The following PDS5A variants were observed in gnomAD, a reference collection of about 807,000 sequenced individuals.
PDS5A encodes sister chromatid cohesion protein PDS5 homolog A.
Under a neutral mutation model 167.1 loss-of-function variants are expected in PDS5A, and 42 were observed. The observed-to-expected ratio is 0.25, with a 90% CI of 0.20 to 0.33. The LOEUF is 0.33. Ranked by LOEUF, PDS5A falls within the 10% of genes least tolerant of loss-of-function variation. The pLI, the probability that PDS5A is intolerant of heterozygous loss-of-function variation, is 1.00. For synonymous variants in PDS5A, 553 were observed against 554.6 expected, an observed-to-expected ratio of 1.00 and a Z score of 0.04; for missense variants, 1,033 against 1,605.9, an observed-to-expected ratio of 0.64 and a Z score of 6.10.
At chr4:39,908,790 G>GAGGCA (rs1560473930) in intron 10 of PDS5A, 1 of 389,946 alleles carries the variant, frequency 2.6e-6, no homozygotes, top group Non-Finnish European at 4.6e-6. Flanking sequence ...TTGGGAGGCT[G>GAGGCA]AGGCAGGCAG....
chr4:39,874,358 T>C lies in PDS5A; in HGVS notation c.2208A>G (p.Ala736=). 2 of 1,612,870 alleles carry C rather than the reference T, an allele frequency of 1.2e-6. No individual in the cohort carries two copies. The highest frequency in any genetic ancestry group is 2.2e-5 in the South Asian group (2 of 91,052). The change falls in exon 20 of 33, where the codon GCA becomes GCG. Residue 736 remains alanine, a synonymous_variant. Coordinates refer to ENST00000303538, the MANE Select transcript of PDS5A (RefSeq NM_001100399.2). ...QKAKRGTPHQ[A]KQAVHCIHAI... is the part of the protein sequence containing the mutation. ...CGTGTATACAGTGCACAGCCTGTTT[T>C]GCTTGGTGTGGAGTACCCCTCTTTG...
chr4:39,913,271 G>C (rs1293661884), intron 9 of PDS5A, among the ~76,000 whole-genome samples: 1 of 151,826 alleles, frequency 6.6e-6, no homozygotes. Flanking sequence ...TTTTAGTAGA[G>C]ACACCATGTT....
chr4:39,898,714 G>C (rs1280304242), intron 15 of PDS5A, 63 bp downstream of exon 15: 4 of 1,053,414 alleles, frequency 3.8e-6, no homozygotes, highest in Non-Finnish European at 4.3e-6. Flanking sequence ...TAGTCCCACT[G>C]GGTAAATACT....
intron 8 of PDS5A, among the ~76,000 whole-genome samples, chr4:39,915,831 T>C (rs1724326058): frequency 6.6e-6 from 1 of 152,206 alleles, no homozygotes; most frequent in Non-Finnish European, 1.5e-5. Context: ...TAATAGCAAG[T>C]AACTGTTTTA....
chr4:39,973,246 G>A (rs1468432559), intron 2 of PDS5A: 10 of 1,471,258 alleles, frequency 6.8e-6, no homozygotes, highest in Middle Eastern at 1.8e-4. Context: ...CTGGACTCTC[G>A]AGCATATGAA....
At chr4:39,886,488 C>T (rs1253353943) in intron 17 of PDS5A, among the ~76,000 whole-genome samples, 5 of 151,872 alleles carry the variant, frequency 3.3e-5, no homozygotes, top group Admixed American at 1.3e-4. Flanking sequence ...CCGAAGTGGG[C>T]GGATCACCTG....
At chr4:39,926,999 C>T (rs1725535440) in intron 3 of PDS5A, 138 bp from the exon 4 acceptor site, 24 of 669,996 alleles carry the variant, frequency 3.6e-5, no homozygotes, top group Non-Finnish European at 4.9e-5. Flanking sequence ...TGGGATTGGC[C>T]TAATCCATTA....
intron 11 of PDS5A, among the ~76,000 whole-genome samples, chr4:39,907,865 C>T (rs1723533602): frequency 6.6e-6 from 1 of 152,162 alleles, no homozygotes; most frequent in Non-Finnish European, 1.5e-5. Flanking sequence ...GGATTACAGG[C>T]GTGAGCCACC....
chr4:39,943,142 AC>A (rs1727382838), intron 2 of PDS5A, among the ~76,000 whole-genome samples: 1 of 123,678 alleles, frequency 8.1e-6, no homozygotes, highest in Non-Finnish European at 1.9e-5. Flanking sequence ...ACACACACAC[AC>A]ACACACACAC....
chr4:39,891,562 T>C (rs1721964970), intron 16 of PDS5A, among the ~76,000 whole-genome samples: 2 of 151,834 alleles, frequency 1.3e-5, no homozygotes, highest in Non-Finnish European at 2.9e-5. Flanking sequence ...GCAGGAGAAT[T>C]GCTTGAACCT....
rs1717942045 is a variant in PDS5A, at chr4:39,849,607, G to A, written c.3132C>T (p.Asn1044=). 6.2e-7 allele frequency: 1 copy of A among 1,609,738 alleles called. No individual in the cohort carries two copies. Among genetic ancestry groups the A allele is most frequent in the Non-Finnish European group, 8.5e-7 (1 of 1,176,280 alleles). Reference sequence around the variant, plus strand: ...TCTTCTTCATAAAGGCATGGCTATTGTTTTCATTCTTTGTCATTAAAACTT... The same window carrying A: ...TCTTCTTCATAAAGGCATGGCTATTATTTTCATTCTTTGTCATTAAAACTT... ...MLEVLMTKNE[N]NSHAFMKKMA... The change falls in exon 27 of 33, where the codon AAC becomes AAT. Residue 1044 remains asparagine, a synonymous_variant. Transcript: ENST00000303538.
intron 2 of PDS5A, among the ~76,000 whole-genome samples, chr4:39,942,392 C>T (rs1040952428): frequency 3.3e-5 from 5 of 152,082 alleles, no homozygotes; most frequent in Admixed American, 6.6e-5. Context: ...TCAATACATA[C>T]CTACCCTACC....
At chr4:39,832,380 ATTT>A (rs1450220428) in intron 32 of PDS5A, among the ~76,000 whole-genome samples, 3 of 151,348 alleles carry the variant, frequency 2.0e-5, no homozygotes, top group Non-Finnish European at 4.4e-5. Flanking sequence ...CGCCTGGCTA[ATTT>A]TTTGTATATT....
chr4:39,952,576 T>C (rs764985737), intron 2 of PDS5A, among the ~76,000 whole-genome samples: 1 of 152,116 alleles, frequency 6.6e-6, no homozygotes, highest in Non-Finnish European at 1.5e-5. Context: ...GCCAGCTTAA[T>C]AGTAAAGTGG....
intron 2 of PDS5A, among the ~76,000 whole-genome samples, chr4:39,962,475 C>T (rs1729577693): frequency 1.3e-5 from 2 of 152,120 alleles, no homozygotes; most frequent in South Asian, 2.1e-4. Context: ...AAGTTGGCTT[C>T]ATTGGAAAAC....
At chr4:39,935,589 C>G (rs990021400) in intron 2 of PDS5A, among the ~76,000 whole-genome samples, 1 of 152,072 alleles carries the variant, frequency 6.6e-6, no homozygotes, top group African/African-American at 2.4e-5. Flanking sequence ...AACTGCTATA[C>G]CATGTAGGCC....
At chr4:39,912,159 C>A (rs1723949558) in intron 9 of PDS5A, among the ~76,000 whole-genome samples, 1 of 152,122 alleles carries the variant, frequency 6.6e-6, no homozygotes, top group Admixed American at 6.6e-5. Context: ...CAAGTAATTA[C>A]AAAGTATCAA....
intron 2 of PDS5A, among the ~76,000 whole-genome samples, chr4:39,933,807 A>G (rs1382446290): frequency 1.3e-5 from 2 of 152,218 alleles, no homozygotes; most frequent in African/African-American, 4.8e-5. Context: ...GAGGCAGGAA[A>G]GATAAAAGCT....
chr4:39,974,223 T>G, intron 2 of PDS5A: 1 of 566,582 alleles, frequency 1.8e-6, no homozygotes, highest in South Asian at 1.4e-5. Context: ...CCTCATCCAT[T>G]CCAATATGCC....
Sources: gnomAD v4.1 joint callset for allele counts (sites outside exome capture counted in the v4.1 genomes callset) on GRCh38, gnomAD v4.1.1 for gene constraint, MANE v1.5 for transcripts, NCBI Gene and HGNC (gene_info 2026-07-23, HGNC 2026-07-21) for gene names.